The following LATS1 variants were observed in gnomAD, a reference collection of about 807,000 sequenced individuals.
The protein encoded by LATS1 is serine/threonine-protein kinase LATS1.
In LATS1, 25 loss-of-function variants were observed where a neutral mutation model predicts 106.6. That is an observed-to-expected ratio of 0.23 (90% CI 0.17 to 0.33). The LOEUF (loss-of-function observed/expected upper bound fraction) is 0.33, where lower values mean the gene tolerates loss of function less well. LATS1 is among the 10% of genes least tolerant of loss of function. The pLI is 1.00. For missense variants in LATS1, 1,040 were observed against 1,382.6 expected (o/e 0.75, Z 3.93); for synonymous variants, 465 against 455.6 (o/e 1.02, Z -0.26).
chr6:149,704,568 C>T (rs1400888205), intron 1 of LATS1, among the ~76,000 whole-genome samples: 1 of 150,600 alleles, frequency 6.6e-6, no homozygotes, highest in Non-Finnish European at 1.5e-5. Flanking sequence ...CTCACTGCAG[C>T]CTCAACCTCC....
At chr6:149,672,580 G>A (rs1781498128) in intron 7 of LATS1, among the ~76,000 whole-genome samples, 1 of 151,948 alleles carries the variant, frequency 6.6e-6, no homozygotes, top group Non-Finnish European at 1.5e-5. Context: ...AGTATTTTAT[G>A]TCAGAGGAGC....
Position 149,696,454 on chromosome 6 carries a change from G to C in LATS1, c.349-1233C>G, listed in dbSNP as rs563360496. On this transcript the variant is annotated intron_variant, in intron 2 of 7. Transcript: ENST00000543571. Reference sequence around the variant, plus strand: ...GTAGTGGTACGTGTCTATAATCCCAGCTGTTTGGGAGGCTGAGGCAGGAGA... The same window carrying C: ...GTAGTGGTACGTGTCTATAATCCCACCTGTTTGGGAGGCTGAGGCAGGAGA... 2.3e-4 allele frequency among the ~76,000 whole-genome samples: 34 copies of C among 147,446 alleles called. No homozygotes were observed. The Middle Eastern group carries it at 0.01, about 45-fold the overall frequency.
intron 1 of LATS1, among the ~76,000 whole-genome samples, chr6:149,711,056 G>A (rs968688664): frequency 5.3e-5 from 8 of 152,164 alleles, no homozygotes; most frequent in Middle Eastern, 3.4e-3. Context: ...TATTAAAGAC[G>A]TAGCCTTCCC....
chr6:149,679,574 T>G (rs994850895), intron 5 of LATS1, among the ~76,000 whole-genome samples: 1 of 151,440 alleles, frequency 6.6e-6, no homozygotes, highest in African/African-American at 2.4e-5. Context: ...AAAAAAATTG[T>G]TTGTCTGGCA....
In LATS1 at chr6:149,687,101, T is replaced by A. The variant is rs111551456; in HGVS notation, c.497-2509A>T. ...CAAGATCTCCAAGATTTTTATTTTT[T>A]TTTTTTTGAGACAGAGACTTGCTCT... On this transcript the variant is annotated intron_variant, in intron 3 of 7. Coordinates refer to ENST00000543571, the MANE Select transcript of LATS1 (RefSeq NM_004690.4). 1.0e-3 allele frequency among the ~76,000 whole-genome samples: 151 copies of A among 151,128 alleles called. 1 individual carries two copies. Among genetic ancestry groups the A allele is most frequent in the South Asian group, 2.7e-3 (13 of 4,758 alleles).
In LATS1 at chr6:149,683,214, C is replaced by T. The variant is rs1173357556; in HGVS notation, c.1875G>A (p.Glu625=). ...AACTTTGAATACGAGATTCCCTTCGCTCTTCATCTTTCTTGTTTTTCCTAA... is the reference window on the plus strand; with the variant it reads ...AACTTTGAATACGAGATTCCCTTCGTTCTTCATCTTTCTTGTTTTTCCTAA... ...ITVRKNKKDE[E]RRESRIQSYS... Residue 625 remains glutamate (E), a synonymous_variant, in exon 4 of 8, where the codon GAG becomes GAA. Transcript: ENST00000543571. 6.2e-7 allele frequency: 1 copy of T among 1,613,936 alleles called. No individual in the cohort carries two copies. Among genetic ancestry groups the T allele is most frequent in the African/African-American group, 1.3e-5 (1 of 74,888 alleles).
chr6:149,662,326 C>T lies in LATS1; in HGVS notation c.2884-88G>A, dbSNP rs929958057. Reference sequence around the variant, plus strand: ...GTTTTATACCAAAAGTCTCACTGGGCTATTTTTGTATTTTAAATAAATTAC... The same window carrying T: ...GTTTTATACCAAAAGTCTCACTGGGTTATTTTTGTATTTTAAATAAATTAC... On this transcript the variant is annotated intron_variant, in intron 7 of 7. Transcript: ENST00000543571. The T allele has an allele frequency of 2.2e-5, 25 of 1,114,614 alleles. 1 individual carries two copies. Among genetic ancestry groups the T allele is most frequent in the Middle Eastern group, 2.3e-4 (1 of 4,438 alleles). 69.0% of individuals were successfully genotyped at this position (1,114,614 alleles called of 1,614,324 possible). A position where few individuals can be genotyped will look rare whatever the true frequency, so the allele number is the denominator to read the frequency against.
chr6:149,659,468 A>C lies in LATS1; in HGVS notation c.*2261T>G, dbSNP rs1258297108. On this transcript the variant is annotated 3_prime_UTR_variant, in exon 8 of 8. Coordinates refer to ENST00000543571, the MANE Select transcript of LATS1 (RefSeq NM_004690.4). ...AGTGAGACCCTGTCTCAAAACAAAA[A>C]ACAAAAAAAGAATACAAAATTTGTA... 2 of 224,124 alleles carry C rather than the reference A, an allele frequency of 8.9e-6. No individual in the cohort carries two copies. The highest frequency in any genetic ancestry group is 1.3e-3 in the Middle Eastern group (1 of 760). 13.9% of individuals were successfully genotyped at this position (224,124 alleles called of 1,614,324 possible).
At position 149,684,276 on chromosome 6, in the gene LATS1, G is replaced by A; in HGVS notation, c.813C>T (p.Asn271=). ...TTCCAGAATAGCGCTTTGTTTGAGA[G>A]TTTGGTTCCCATGAAGGGGGAGGTG... ...TTPPPPSWEP[N]SQTKRYSGNM... is the part of the protein sequence containing the mutation. Residue 271 remains asparagine (N), a synonymous_variant, in exon 4 of 8, where the codon AAC becomes AAT. Coordinates refer to ENST00000543571, the MANE Select transcript of LATS1 (RefSeq NM_004690.4). The A allele has an allele frequency of 1.2e-6, 2 of 1,613,980 alleles. No homozygotes were observed. Among genetic ancestry groups the A allele is most frequent in the Middle Eastern group, 1.6e-4 (1 of 6,062 alleles).
At chr6:149,708,561 C>T (rs976115478) in intron 1 of LATS1, among the ~76,000 whole-genome samples, 1 of 152,100 alleles carries the variant, frequency 6.6e-6, no homozygotes. Context: ...ATACAGTACT[C>T]GACTCCATTT....
chr6:149,709,769 G>A (rs144413146), intron 1 of LATS1, among the ~76,000 whole-genome samples: 1,683 of 144,566 alleles, frequency 0.012, 22 homozygotes, highest in Middle Eastern at 0.041. Flanking sequence ...TCCGCCTCCC[G>A]GTTTCAAGTG....
At chr6:149,692,582 C>T (rs1158218596) in intron 3 of LATS1, among the ~76,000 whole-genome samples, 1 of 152,022 alleles carries the variant, frequency 6.6e-6, no homozygotes, top group Non-Finnish European at 1.5e-5. Flanking sequence ...CAATGCAGAA[C>T]AAAGAGCCTG....
intron 2 of LATS1, among the ~76,000 whole-genome samples, 158 bp downstream of exon 2, chr6:149,701,621 T>C (rs1325015728): frequency 6.6e-6 from 1 of 152,232 alleles, no homozygotes; most frequent in East Asian, 1.9e-4. Flanking sequence ...TAGTAATTAA[T>C]GGAATTATAA....
At position 149,676,741 on chromosome 6, in the gene LATS1, C is replaced by T. The variant is rs746012971; in HGVS notation, c.2594-4G>A. On this transcript the variant is annotated splice_polypyrimidine_tract_variant and splice_region_variant and intron_variant, in intron 5 of 7. Coordinates refer to ENST00000543571, the MANE Select transcript of LATS1 (RefSeq NM_004690.4). ...CTATCTTGCCGTGGATGGTCACCTG[C>T]ACAACAAAAGAATAAGTAAATAAAG... 5 of 1,606,476 alleles carry T rather than the reference C, an allele frequency of 3.1e-6. No homozygotes were observed. The Admixed American group carries it at 8.4e-5, about 27-fold the overall frequency.
At chr6:149,715,741 T>C (rs1490981811) in intron 1 of LATS1, among the ~76,000 whole-genome samples, 1 of 152,168 alleles carries the variant, frequency 6.6e-6, no homozygotes, top group Non-Finnish European at 1.5e-5. Context: ...GAATGCCTTC[T>C]AGAAAGTTAT....
At chr6:149,715,555 T>G (rs746671660) in intron 1 of LATS1, among the ~76,000 whole-genome samples, 2 of 152,218 alleles carry the variant, frequency 1.3e-5, no homozygotes, top group Non-Finnish European at 2.9e-5. Context: ...AATGAACATA[T>G]GTATAATATA....
At chr6:149,663,812 A>G (rs1309429842) in intron 7 of LATS1, among the ~76,000 whole-genome samples, 1 of 144,394 alleles carries the variant, frequency 6.9e-6, no homozygotes, top group Non-Finnish European at 1.5e-5. Context: ...GAGATGAACA[A>G]TTTTTTTTTT....
intron 1 of LATS1, among the ~76,000 whole-genome samples, chr6:149,703,675 G>A (rs972147628): frequency 6.6e-6 from 1 of 152,020 alleles, no homozygotes; most frequent in African/African-American, 2.4e-5. Flanking sequence ...ACCAGCCTGG[G>A]CAACATAGGG....
chr6:149,684,459 A>C lies in LATS1; in HGVS notation c.630T>G (p.Asp210Glu). ...YHSESPNSQT[D>E]VGRPLSGSGI... ...CAGATCCAGACAAAGGTCTTCCTAC[A>C]TCTGTCTGTGAGTTGGGACTCTCAG... is the stretch of plus-strand genomic sequence containing the variant. Residue 210 changes from aspartate to glutamate, a missense_variant, in exon 4 of 8, where the codon GAT becomes GAG. Coordinates refer to ENST00000543571, the MANE Select transcript of LATS1 (RefSeq NM_004690.4). 6.2e-7 allele frequency: 1 copy of C among 1,614,086 alleles called. No individual in the cohort carries two copies.
Sources: gnomAD v4.1 joint callset for allele counts (sites outside exome capture counted in the v4.1 genomes callset) on GRCh38, gnomAD v4.1.1 for gene constraint, MANE v1.5 for transcripts, NCBI Gene and HGNC (gene_info 2026-07-23, HGNC 2026-07-21) for gene names.